PFKFB3: variants seen among roughly 807,000 people sequenced by gnomAD.
PFKFB3 encodes the protein 6-phosphofructo-2-kinase/fructose-2,6-biphosphatase 3.
Under a neutral mutation model 68.0 loss-of-function variants are expected in PFKFB3, and 33 were observed. That is an observed-to-expected ratio of 0.49 (90% CI 0.37 to 0.65). The LOEUF is 0.65. Ranked by LOEUF, PFKFB3 falls within the 30% of genes least tolerant of loss-of-function variation. PFKFB3 has a pLI of 0.00. For synonymous variants in PFKFB3, 315 were observed against 288.2 expected, an observed-to-expected ratio of 1.09 and a Z score of -0.94; for missense variants, 586 against 712.2, an observed-to-expected ratio of 0.82 and a Z score of 2.02.
chr10:6,242,622 CT>C (rs1846165622), intron 14 of PFKFB3, among the ~76,000 whole-genome samples: 1 of 151,318 alleles, frequency 6.6e-6, no homozygotes, highest in Admixed American at 6.6e-5. Context: ...GAGTCTCGCT[CT>C]GTTGCCCAGG....
intron 14 of PFKFB3, chr10:6,231,374 T>G: frequency 6.2e-7 from 1 of 1,609,120 alleles, no homozygotes; most frequent in South Asian, 1.1e-5. Context: ...TGGGTCTGTG[T>G]GCAGACTGGC....
chr10:6,222,553 A>T (rs1360895630), intron 10 of PFKFB3, among the ~76,000 whole-genome samples: 1 of 152,044 alleles, frequency 6.6e-6, no homozygotes, highest in Non-Finnish European at 1.5e-5. Context: ...CTGCATCTGG[A>T]TCTGCCTATT....
chr10:6,307,510 T>TTTCCTTCCTTCCTTCCTTCCTTCC, the PFKFB3 span, among the ~76,000 whole-genome samples: 3 of 116,342 alleles, frequency 2.6e-5, no homozygotes, highest in South Asian at 3.2e-4. Context: ...TCCTTCTCTT[T>TTTCCTTCCTTCCTTCCTTCCTTCC]TTCCTTCCTT....
At chr10:6,148,451 G>T (rs1841468123) in intron 1 of PFKFB3, among the ~76,000 whole-genome samples, 1 of 152,226 alleles carries the variant, frequency 6.6e-6, no homozygotes, top group Non-Finnish European at 1.5e-5. Flanking sequence ...TCAGCGTGAG[G>T]CTGGAGCAGC....
At chr10:6,232,234 G>T (rs1288187815) in intron 14 of PFKFB3, among the ~76,000 whole-genome samples, 1 of 141,696 alleles carries the variant, frequency 7.1e-6, no homozygotes, top group Non-Finnish European at 1.5e-5. Context: ...TGATTTTGGA[G>T]CATGTTTTTT....
At chr10:6,145,644 G>T (rs1159759715) in intron 1 of PFKFB3, among the ~76,000 whole-genome samples, 4 of 151,970 alleles carry the variant, frequency 2.6e-5, no homozygotes, top group African/African-American at 9.7e-5. Flanking sequence ...TCTGACCCCC[G>T]GGCAGTCATT....
At chr10:6,309,289 C>T in the PFKFB3 span, among the ~76,000 whole-genome samples, 9 of 152,158 alleles carry the variant, frequency 5.9e-5, no homozygotes, top group Admixed American at 1.3e-4. Context: ...TTTCGCTGGG[C>T]GTGGTGGCTG....
intron 1 of PFKFB3, among the ~76,000 whole-genome samples, chr10:6,191,612 G>A (rs1843024389): frequency 6.6e-6 from 1 of 152,216 alleles, no homozygotes; most frequent in African/African-American, 2.4e-5. Context: ...TACGTCCAGG[G>A]CTAGTCAGAA....
chr10:6,224,343 C>T, intron 13 of PFKFB3, 130 bp downstream of exon 13: 1 of 782,416 alleles, frequency 1.3e-6, no homozygotes. Context: ...GGCCTGCTGG[C>T]TGCCTTCCTC....
intron 1 of PFKFB3, among the ~76,000 whole-genome samples, chr10:6,155,573 T>G (rs11257010): frequency 0.059 from 8,965 of 152,122 alleles, 314 homozygotes; most frequent in East Asian, 0.17. Flanking sequence ...CTGTCCTTCC[T>G]CCGTTTCCAT....
chr10:6,308,365 T>C, the PFKFB3 span, among the ~76,000 whole-genome samples: 1 of 152,050 alleles, frequency 6.6e-6, no homozygotes, highest in Non-Finnish European at 1.5e-5. Flanking sequence ...ATACAAAAAT[T>C]AGCTGGGCAT....
intron 1 of PFKFB3, among the ~76,000 whole-genome samples, chr10:6,145,556 T>G (rs1841358612): frequency 6.6e-6 from 1 of 152,010 alleles, no homozygotes; most frequent in Non-Finnish European, 1.5e-5. Flanking sequence ...ATTGGTGGGC[T>G]CGGGGGCACG....
rs1843470062 is a variant in PFKFB3, at chr10:6,203,421, C to G, written c.76+85C>G. 4.1e-6 allele frequency: 4 copies of G among 978,320 alleles called. No homozygotes were observed. The East Asian group carries it at 1.4e-4, about 35-fold the overall frequency. The allele number at this position is 978,320 out of a possible 1,614,324, so 60.6% of individuals were successfully genotyped here. On this transcript the variant is annotated intron_variant, in intron 1 of 14. Coordinates refer to ENST00000379775, the MANE Select transcript of PFKFB3 (RefSeq NM_004566.4). ...GTGGGGCGGCTTTGTGCCGACGCCCCTCTGCGGGGGGCGCGCCCGTGCGGG... is the reference window on the plus strand; with the variant it reads ...GTGGGGCGGCTTTGTGCCGACGCCCGTCTGCGGGGGGCGCGCCCGTGCGGG...
the PFKFB3 span, chr10:6,294,079 A>G: frequency 4.2e-5 from 21 of 501,002 alleles, no homozygotes; most frequent in Non-Finnish European, 7.6e-5. Context: ...CTTGCTACCA[A>G]CTGGCCCTGA....
At chr10:6,172,692 C>T (rs1006376737) in intron 1 of PFKFB3, among the ~76,000 whole-genome samples, 3 of 152,000 alleles carry the variant, frequency 2.0e-5, no homozygotes, top group Non-Finnish European at 2.9e-5. Context: ...TGTGGTGGCG[C>T]ATACCTGTGG....
chr10:6,147,463 T>C (rs1263326093), intron 1 of PFKFB3, among the ~76,000 whole-genome samples: 1 of 152,090 alleles, frequency 6.6e-6, no homozygotes, highest in African/African-American at 2.4e-5. Context: ...TGGGATCAGC[T>C]CCGTCAGGGG....
chr10:6,169,107 A>T (rs1842228119), intron 1 of PFKFB3, among the ~76,000 whole-genome samples: 1 of 151,916 alleles, frequency 6.6e-6, no homozygotes, highest in African/African-American at 2.4e-5. Flanking sequence ...CGCCCGGCAA[A>T]TTTTTTGTAT....
chr10:6,209,502 T>A (rs1007189675), intron 1 of PFKFB3, among the ~76,000 whole-genome samples: 1 of 151,922 alleles, frequency 6.6e-6, no homozygotes, highest in African/African-American at 2.4e-5. Context: ...GAGACAGAGT[T>A]TTGCTCTGTT....
In PFKFB3 at chr10:6,232,950, G is replaced by C. The variant is rs188624660; in HGVS notation, c.*8G>C. ...TCCTCCAGGAAACACTGAGGCAGAC[G>C]TGTCGGTTCCATTCCATTTCCATTT... is the stretch of plus-strand genomic sequence containing the variant. On this transcript the variant is annotated 3_prime_UTR_variant, in exon 15 of 15. Coordinates refer to ENST00000379775, the MANE Select transcript of PFKFB3 (RefSeq NM_004566.4). 1.2e-6 allele frequency: 2 copies of C among 1,608,532 alleles called. No homozygotes were observed. The highest frequency in any genetic ancestry group is 8.5e-7 in the Non-Finnish European group (1 of 1,175,282).
Sources: gnomAD v4.1 joint callset for allele counts (sites outside exome capture counted in the v4.1 genomes callset) on GRCh38, gnomAD v4.1.1 for gene constraint, MANE v1.5 for transcripts, NCBI Gene and HGNC (gene_info 2026-07-23, HGNC 2026-07-21) for gene names.